Variants in CD46 observed in about 807,000 individuals in gnomAD.
CD46 encodes the protein CD46 molecule.
In CD46, 30 loss-of-function variants were observed where a neutral mutation model predicts 53.3. The ratio of observed to expected loss-of-function variants is 0.56; its 90% CI spans 0.42 to 0.76. The LOEUF (loss-of-function observed/expected upper bound fraction) is 0.76. Ranked by LOEUF, CD46 falls within the 30% of genes least tolerant of loss-of-function variation. The pLI, the probability that CD46 is intolerant of heterozygous loss-of-function variation, is 0.00. For synonymous variants in CD46, 142 were observed against 152.0 expected, an observed-to-expected ratio of 0.93 and a Z score of 0.48; for missense variants, 409 against 463.0, an observed-to-expected ratio of 0.88 and a Z score of 1.07.
chr1:207,757,140 C>T lies in CD46; in HGVS notation c.224C>T (p.Ala75Val), dbSNP rs768538372. ...KKGYFYIPPL[A>V]THTICDRNHT... ...GGATACTTCTATATACCTCCTCTTG[C>T]CACCCATACTATTTGTGATCGGAAT... Residue 75 changes from alanine to valine, a missense_variant, in exon 2 of 13, where the codon GCC (alanine) becomes GTC (valine). Ala to Val is a moderately conservative substitution (Grantham distance 64). Coordinates refer to ENST00000367042, the MANE Select transcript of CD46 (RefSeq NM_172351.3). 3 of 1,613,684 alleles carry T rather than the reference C, an allele frequency of 1.9e-6. No homozygotes were observed. Among genetic ancestry groups the T allele is most frequent in the Admixed American group, 1.7e-5 (1 of 60,002 alleles).
chr1:207,760,953 C>T (rs7354901), intron 4 of CD46: 1 of 384,598 alleles, frequency 2.6e-6, no homozygotes, highest in Non-Finnish European at 4.9e-6. Context: ...CAGGCCCCAC[C>T]TCCAACATTG....
At chr1:207,780,941 TGA>T (rs1658677395) in intron 8 of CD46, among the ~76,000 whole-genome samples, 1 of 151,242 alleles carries the variant, frequency 6.6e-6, no homozygotes, top group South Asian at 2.1e-4. Context: ...AAAGAGACGG[TGA>T]GAGAGAGAGT....
chr1:207,790,478 C>T (rs1055448650), intron 12 of CD46, 133 bp downstream of exon 12: 16 of 610,936 alleles, frequency 2.6e-5, no homozygotes, highest in African/African-American at 2.0e-4. Flanking sequence ...ATTCCTGTTC[C>T]CTTTGCTAAA....
intron 5 of CD46, among the ~76,000 whole-genome samples, chr1:207,762,009 A>G (rs1656273609): frequency 6.6e-6 from 1 of 152,234 alleles, no homozygotes. Context: ...AACATTCTCC[A>G]AAGTAGACCA....
intron 11 of CD46, among the ~76,000 whole-genome samples, chr1:207,789,284 A>G (rs1258791019): frequency 2.0e-5 from 3 of 152,030 alleles, no homozygotes; most frequent in Non-Finnish European, 4.4e-5. Flanking sequence ...TTTTCCATTA[A>G]TGGTATTTAT....
chr1:207,764,838 A>G (rs1656662804), intron 5 of CD46, among the ~76,000 whole-genome samples: 1 of 152,346 alleles, frequency 6.6e-6, no homozygotes, highest in South Asian at 2.1e-4. Context: ...GAAGGTCCAG[A>G]TGGCTTCACT....
intron 8 of CD46, among the ~76,000 whole-genome samples, chr1:207,779,777 C>G (rs1369481135): frequency 1.3e-5 from 2 of 152,026 alleles, no homozygotes; most frequent in African/African-American, 4.8e-5. Flanking sequence ...TAAATAGCAC[C>G]ATTTTTTGAA....
intron 11 of CD46, among the ~76,000 whole-genome samples, chr1:207,788,387 G>A (rs41317993): frequency 0.093 from 13,984 of 150,792 alleles, 894 homozygotes; most frequent in Admixed American, 0.17. Context: ...AAATAGTGGC[G>A]GGCGCCTGTA....
intron 11 of CD46, chr1:207,785,974 A>G (rs754808882): frequency 2.1e-4 from 70 of 338,196 alleles, no homozygotes; most frequent in Admixed American, 1.1e-3. Flanking sequence ...TGGACCACTC[A>G]CTATGAGGCC....
At chr1:207,778,129 A>G (rs1696181417) in intron 8 of CD46, among the ~76,000 whole-genome samples, 1 of 152,064 alleles carries the variant, frequency 6.6e-6, no homozygotes, top group African/African-American at 2.4e-5. Context: ...CCACTTTTTA[A>G]TGGAGTTGTT....
rs536937211 is a variant in CD46 at position 207,794,799 on chromosome 1, C to T, written c.*1322C>T. 9.2e-5 allele frequency: 14 copies of T among 152,234 alleles called. No homozygotes were observed. Among genetic ancestry groups the T allele is most frequent in the Middle Eastern group, 6.8e-3 (2 of 294 alleles). The allele number at this position is 152,234 out of a possible 1,614,324, so 9.4% of individuals were successfully genotyped here. ...AGTTTCTTTCAAAGAAGCCAGCAGG[C>T]GAAAAGCAGGGACTGCCACTGCATT... On this transcript the variant is annotated 3_prime_UTR_variant, in exon 13 of 13. Coordinates refer to ENST00000367042, the MANE Select transcript of CD46 (RefSeq NM_172351.3).
At position 207,752,362 on chromosome 1, in the gene CD46, A is replaced by T; in HGVS notation, c.97+53A>T. On this transcript the variant is annotated intron_variant, in intron 1 of 12. Coordinates refer to ENST00000367042, the MANE Select transcript of CD46 (RefSeq NM_172351.3). The surrounding 1 kb of genome is among the most constrained non-coding windows in gnomAD (Gnocchi z 4.1). ...CCGCGGCGAGACTAGAGCTCTCCTC[A>T]GTCGGGCAAGAGTCGCGGGGCGGGG... is the stretch of plus-strand genomic sequence containing the variant. The T allele has an allele frequency of 1.9e-6, 3 of 1,539,830 alleles. No individual in the cohort carries two copies. The highest frequency in any genetic ancestry group is 3.3e-5 in the Admixed American group (2 of 59,920).
At chr1:207,786,813 A>G (rs1184883873) in intron 11 of CD46, among the ~76,000 whole-genome samples, 1 of 152,194 alleles carries the variant, frequency 6.6e-6, no homozygotes, top group Non-Finnish European at 1.5e-5. Context: ...ATGGAACACG[A>G]TATGCATATT....
intron 5 of CD46, among the ~76,000 whole-genome samples, chr1:207,764,283 GA>G (rs1196847498): frequency 2.7e-4 from 41 of 152,310 alleles, no homozygotes; most frequent in Admixed American, 6.5e-4. Context: ...TGCTGGATTG[GA>G]AATGCCTACG....
At chr1:207,767,485 T>C in intron 6 of CD46, 1 of 889,742 alleles carries the variant, frequency 1.1e-6, no homozygotes, top group African/African-American at 1.6e-5. Context: ...TTACAACAAC[T>C]TTTTGGAATT....
intron 5 of CD46, among the ~76,000 whole-genome samples, chr1:207,764,289 C>T (rs1656597326): frequency 1.3e-5 from 2 of 152,190 alleles, no homozygotes. Flanking sequence ...ATTGGAAATG[C>T]CTACGTTGCT....
chr1:207,777,008 CTA>C (rs1035721174), intron 8 of CD46, among the ~76,000 whole-genome samples: 3 of 152,090 alleles, frequency 2.0e-5, no homozygotes, highest in African/African-American at 7.2e-5. Flanking sequence ...TGTGCTTTGT[CTA>C]TTTTTCTGTT....
rs1169828892 is a variant in CD46 at position 207,766,292 on chromosome 1, G to C, written c.674-721G>C. Among the ~76,000 whole-genome samples the C allele has an allele frequency of 2.6e-5, 4 of 152,148 alleles. No individual in the cohort carries two copies. In the East Asian group the frequency reaches 7.7e-4, roughly 29 times the overall value. On this transcript the variant is annotated intron_variant, in intron 5 of 12. Coordinates refer to ENST00000367042, the MANE Select transcript of CD46 (RefSeq NM_172351.3). Reference sequence around the variant, plus strand: ...TACACTTGAAATGGTGAATTTTACTGTATGTAAATTATATCCAATAAACCA... The same window carrying C: ...TACACTTGAAATGGTGAATTTTACTCTATGTAAATTATATCCAATAAACCA...
At position 207,793,508 on chromosome 1, in the gene CD46, T is replaced by G. The variant is rs763237733; in HGVS notation, c.*42-11T>G. 1 of 1,603,502 alleles carries G rather than the reference T, an allele frequency of 6.2e-7. No homozygotes were observed. Among genetic ancestry groups the G allele is most frequent in the Admixed American group, 1.7e-5 (1 of 59,994 alleles). ...TTATCTTTGACATGATCTTTATACC[T>G]TGGTTTGCAGGAAAGCAGATGGTGG... On this transcript the variant is annotated splice_polypyrimidine_tract_variant and intron_variant, in intron 12 of 12. Coordinates refer to ENST00000367042, the MANE Select transcript of CD46 (RefSeq NM_172351.3).
Sources: allele counts gnomAD v4.1 joint callset (sites outside exome capture counted in the v4.1 genomes callset), GRCh38; gene constraint gnomAD v4.1.1; non-coding constraint Gnocchi (gnomAD v3.1); transcripts MANE v1.5; gene names NCBI Gene and HGNC (gene_info 2026-07-23, HGNC 2026-07-21).